The following DAPK2 variants were observed in gnomAD, a reference collection of about 807,000 sequenced individuals.
The protein encoded by DAPK2 is death associated protein kinase 2, also known as death-associated protein kinase 2.
Under a neutral mutation model 44.1 loss-of-function variants are expected in DAPK2, and 35 were observed. The observed-to-expected ratio is 0.79, with a 90% confidence interval of 0.61 to 1.05. The LOEUF (loss-of-function observed/expected upper bound fraction) is 1.05, where lower values mean the gene tolerates loss of function less well. Ranked by LOEUF, DAPK2 falls within the 50% of genes least tolerant of loss-of-function variation. The pLI is 0.00. For missense variants in DAPK2, 453 were observed against 483.2 expected (o/e 0.94, Z 0.59); for synonymous variants, 174 against 182.6 (o/e 0.95, Z 0.38).
At chr15:64,004,498 C>T (rs1302714776) in intron 1 of DAPK2, among the ~76,000 whole-genome samples, 2 of 152,182 alleles carry the variant, frequency 1.3e-5, no homozygotes, top group African/African-American at 4.8e-5. Flanking sequence ...ATGCTGATAC[C>T]TTTGCCTGGA....
At chr15:63,941,666 A>ATTT (rs397779427) in intron 3 of DAPK2, among the ~76,000 whole-genome samples, 1 of 151,262 alleles carries the variant, frequency 6.6e-6, no homozygotes, top group African/African-American at 2.4e-5. Context: ...TTCCTTTTGC[A>ATTT]TTTTTTTTGC....
chr15:63,929,864 C>A, intron 5 of DAPK2: 1 of 586,218 alleles, frequency 1.7e-6, no homozygotes, highest in Non-Finnish European at 3.2e-6. Context: ...CCTCGGAGCC[C>A]TTCCCCCCTT....
chr15:64,005,029 G>C (rs377559970), intron 1 of DAPK2, among the ~76,000 whole-genome samples: 1 of 152,120 alleles, frequency 6.6e-6, no homozygotes, highest in Admixed American at 6.5e-5. Flanking sequence ...GTGACTAGCC[G>C]AGAGACCCCA....
chr15:63,983,174 C>A (rs550958308), intron 2 of DAPK2, among the ~76,000 whole-genome samples: 1 of 152,202 alleles, frequency 6.6e-6, no homozygotes, highest in Admixed American at 6.5e-5. Flanking sequence ...CCTGGCCCCA[C>A]CCCACCATCT....
In DAPK2 at chr15:63,939,211, A is replaced by T; in HGVS notation, c.583+21T>A. 1 of 1,611,634 alleles carries T rather than the reference A, an allele frequency of 6.2e-7. No homozygotes were observed. Among genetic ancestry groups the T allele is most frequent in the African/African-American group, 1.3e-5 (1 of 74,880 alleles). On this transcript the variant is annotated intron_variant, in intron 4 of 10. Coordinates refer to ENST00000261891, the Ensembl canonical transcript of DAPK2. The surrounding 1 kb of genome is among the most constrained non-coding windows in gnomAD (Gnocchi z 4.3). ...TTGATGCCAGATTCTTAGCTGAAAGACAAACAGGCCTACAACTCACCAACA... is the reference window on the plus strand; with the variant it reads ...TTGATGCCAGATTCTTAGCTGAAAGTCAAACAGGCCTACAACTCACCAACA...
intron 1 of DAPK2, among the ~76,000 whole-genome samples, chr15:64,008,670 C>A (rs955798209): frequency 6.6e-6 from 1 of 152,130 alleles, no homozygotes; most frequent in Non-Finnish European, 1.5e-5. Flanking sequence ...AGTGAACATG[C>A]ACAAATGATA....
At chr15:63,958,378 T>C (rs146167217) in intron 3 of DAPK2, among the ~76,000 whole-genome samples, 4,036 of 152,352 alleles carry the variant, frequency 0.026, 103 homozygotes, top group South Asian at 0.13. Flanking sequence ...TTTGTCAATT[T>C]TGGCTTTTGT....
At chr15:64,010,252 C>T (rs1261097042) in intron 1 of DAPK2, among the ~76,000 whole-genome samples, 4 of 152,126 alleles carry the variant, frequency 2.6e-5, no homozygotes, top group East Asian at 1.9e-4. Context: ...TTGAGAACCA[C>T]GAGTTCTCAC....
At chr15:64,019,707 T>C (rs2079630401) in intron 1 of DAPK2, among the ~76,000 whole-genome samples, 1 of 152,190 alleles carries the variant, frequency 6.6e-6, no homozygotes, top group South Asian at 2.1e-4. Context: ...TATGTAAGTA[T>C]CCATTCATTT....
intron 3 of DAPK2, among the ~76,000 whole-genome samples, chr15:63,963,267 G>A (rs1320487925): frequency 2.0e-5 from 3 of 151,924 alleles, no homozygotes; most frequent in Non-Finnish European, 4.4e-5. Context: ...CCCTTTGCTA[G>A]GAAAGGGAAT....
chr15:63,918,971 G>A (rs966619618), intron 8 of DAPK2: 2 of 152,288 alleles, frequency 1.3e-5, no homozygotes, highest in Non-Finnish European at 2.9e-5. Context: ...CATTCTCACA[G>A]CCCTTCCCGC....
chr15:64,028,968 G>A (rs887892260), intron 1 of DAPK2, among the ~76,000 whole-genome samples: 6 of 152,064 alleles, frequency 3.9e-5, no homozygotes, highest in Admixed American at 2.6e-4. Context: ...ATATTTTTAA[G>A]TATATGAACT....
Position 63,926,253 on chromosome 15 carries a change from C to G in DAPK2, c.660-160G>C, listed in dbSNP as rs900655749. 5.9e-6 allele frequency: 4 copies of G among 680,374 alleles called. No individual in the cohort carries two copies. The African/African-American group carries it at 7.3e-5, about 12-fold the overall frequency. 42.1% of individuals were successfully genotyped at this position (680,374 alleles called of 1,614,324 possible). ...GGCAGCCAACCAGCAGCCTGTTCAG[C>G]TAAGTCCAATTCAATACATGTTCAT... On this transcript the variant is annotated intron_variant, in intron 6 of 10. Coordinates refer to ENST00000261891, the Ensembl canonical transcript of DAPK2.
intron 3 of DAPK2, among the ~76,000 whole-genome samples, chr15:63,950,891 C>T (rs2077568282): frequency 6.6e-6 from 1 of 152,214 alleles, no homozygotes; most frequent in Admixed American, 6.5e-5. Flanking sequence ...GTTCCACACA[C>T]ATTTGAAGTA....
At chr15:64,031,809 A>G (rs2080024015) in intron 1 of DAPK2, among the ~76,000 whole-genome samples, 1 of 152,226 alleles carries the variant, frequency 6.6e-6, no homozygotes, top group Non-Finnish European at 1.5e-5. Context: ...TTTTTCATCT[A>G]TAAAATGGGA....
intron 4 of DAPK2, among the ~76,000 whole-genome samples, chr15:63,938,834 C>T (rs895786671): frequency 2.0e-5 from 3 of 152,234 alleles, no homozygotes; most frequent in Non-Finnish European, 4.4e-5. Flanking sequence ...AGATGATTTC[C>T]TTTTTCCTTT....
intron 3 of DAPK2, among the ~76,000 whole-genome samples, chr15:63,941,208 A>G (rs1421663799): frequency 6.6e-6 from 1 of 152,176 alleles, no homozygotes; most frequent in Admixed American, 6.5e-5. Context: ...GCTGGGCTTC[A>G]AAGTCTAACT....
intron 3 of DAPK2, among the ~76,000 whole-genome samples, chr15:63,959,738 G>A (rs2077832170): frequency 6.6e-6 from 1 of 152,214 alleles, no homozygotes; most frequent in Non-Finnish European, 1.5e-5. Context: ...TTTGTGACGT[G>A]CTGCTGGATT....
chr15:64,017,113 C>T (rs904300265), intron 1 of DAPK2, among the ~76,000 whole-genome samples: 5 of 152,158 alleles, frequency 3.3e-5, no homozygotes, highest in Admixed American at 3.3e-4. Flanking sequence ...TTCTAGGGAC[C>T]TACTGTGTTC....
Sources: allele counts gnomAD v4.1 joint callset (sites outside exome capture counted in the v4.1 genomes callset), GRCh38; gene constraint gnomAD v4.1.1; non-coding constraint Gnocchi (gnomAD v3.1); transcripts MANE v1.5; gene names NCBI Gene and HGNC (gene_info 2026-07-23, HGNC 2026-07-21).